DTNA: variants seen among roughly 807,000 people sequenced by gnomAD.
The protein encoded by DTNA is dystrobrevin alpha.
In DTNA, 43 loss-of-function variants were observed where a neutral mutation model predicts 100.7. The observed-to-expected ratio is 0.43, with a 90% CI of 0.33 to 0.55. The LOEUF (loss-of-function observed/expected upper bound fraction) is 0.55, where lower values mean the gene tolerates loss of function less well. Among genes scored for constraint, DTNA ranks in the 20% least tolerant of loss-of-function variants. The probability of loss-of-function intolerance (pLI) is 0.04; values close to 1 mark genes in which losing one functional copy is unlikely to be tolerated. For synonymous variants in DTNA, 349 were observed against 347.9 expected (o/e 1.00, Z -0.04); for missense variants, 798 against 953.9 (o/e 0.84, Z 2.15).
At chr18:34,720,720 A>G (rs1267318899) in intron 1 of DTNA, among the ~76,000 whole-genome samples, 1 of 152,174 alleles carries the variant, frequency 6.6e-6, no homozygotes, top group Non-Finnish European at 1.5e-5. Flanking sequence ...GAGAGAGTGG[A>G]AGGATCAGCA....
At chr18:34,788,705 A>G (rs1416351523) in intron 3 of DTNA, among the ~76,000 whole-genome samples, 1 of 152,198 alleles carries the variant, frequency 6.6e-6, no homozygotes, top group Non-Finnish European at 1.5e-5. Context: ...CTAACTCAAA[A>G]TTTATGACAA....
At chr18:34,546,754 T>C (rs1019026363) in intron 1 of DTNA, among the ~76,000 whole-genome samples, 1 of 151,770 alleles carries the variant, frequency 6.6e-6, no homozygotes, top group Non-Finnish European at 1.5e-5. Flanking sequence ...TTTCTTTCTT[T>C]CTTTCTTTCT....
intron 4 of DTNA, 105 bp downstream of exon 4, chr18:34,794,355 T>G: frequency 3.1e-6 from 4 of 1,297,328 alleles, no homozygotes; most frequent in Non-Finnish European, 3.3e-6. Flanking sequence ...CTTTTTTTTT[T>G]TACTCTCTTT....
At chr18:34,723,616 G>A (rs2085878145) in intron 1 of DTNA, among the ~76,000 whole-genome samples, 1 of 152,026 alleles carries the variant, frequency 6.6e-6, no homozygotes, top group Admixed American at 6.6e-5. Flanking sequence ...AGTAAAAATA[G>A]GGCCAGGCAC....
intron 1 of DTNA, chr18:34,593,234 A>T (rs1297706776): frequency 6.6e-6 from 1 of 152,240 alleles, no homozygotes; most frequent in African/African-American, 2.4e-5. Context: ...GGGAGCGGGG[A>T]GGGAGGGCGC....
chr18:34,861,901 A>G (rs970114359), intron 16 of DTNA, among the ~76,000 whole-genome samples: 2 of 152,148 alleles, frequency 1.3e-5, no homozygotes, highest in African/African-American at 4.8e-5. Context: ...ACCTAATAAT[A>G]CCAGTTAACG....
intron 1 of DTNA, among the ~76,000 whole-genome samples, chr18:34,543,460 TG>T (rs1198238041): frequency 1.3e-5 from 2 of 152,054 alleles, no homozygotes; most frequent in Non-Finnish European, 2.9e-5. Flanking sequence ...CGTTTGTTCT[TG>T]GATAGGAAAG....
At chr18:34,599,495 T>C (rs974306645) in intron 1 of DTNA, among the ~76,000 whole-genome samples, 2 of 152,226 alleles carry the variant, frequency 1.3e-5, no homozygotes, top group Admixed American at 6.5e-5. Context: ...CACCGGACAC[T>C]GGTACTGAAG....
intron 1 of DTNA, among the ~76,000 whole-genome samples, chr18:34,658,709 T>C (rs2074744472): frequency 6.6e-6 from 1 of 152,194 alleles, no homozygotes; most frequent in South Asian, 2.1e-4. Flanking sequence ...AATACTGTCT[T>C]GATTACCACC....
chr18:34,838,250 G>C, intron 12 of DTNA, 79 bp downstream of exon 12: 1 of 1,467,460 alleles, frequency 6.8e-7, no homozygotes, highest in South Asian at 1.2e-5. Context: ...AAAATGCTTT[G>C]TGTGTGAAAG....
At position 34,573,381 on chromosome 18, in the gene DTNA, T is replaced by C. The variant is rs113981237; in HGVS notation, c.-2+79867T>C. Among the ~76,000 whole-genome samples, 503 of 152,198 alleles carry C rather than the reference T, an allele frequency of 3.3e-3. 3 individuals carry two copies. The highest frequency in any genetic ancestry group is 0.011 in the African/African-American group (469 of 41,524). On this transcript the variant is annotated intron_variant, in intron 1 of 19. Transcript: ENST00000283365. The stretch of plus-strand genomic sequence containing the variant: ...TCCTGCCACTGCTACCACCAATATA[T>C]CCAAATGCCTAAAATCCCGTTTTAA...
At position 34,736,980 on chromosome 18, in the gene DTNA, C is replaced by T. The variant is rs553711469; in HGVS notation, c.-1-18996C>T. Among the ~76,000 whole-genome samples, 83 of 152,326 alleles carry T rather than the reference C, an allele frequency of 5.4e-4. No homozygotes were observed. In the South Asian group the frequency reaches 0.016, roughly 29 times the overall value. ...CACATAGTGCAGGCAACATTTCTCA[C>T]TTGGTATGGCTTGGGAAGAATGGGC... On this transcript the variant is annotated intron_variant, in intron 1 of 22. Coordinates refer to ENST00000444659, the MANE Select transcript of DTNA (RefSeq NM_001386795.1).
chr18:34,631,454 A>G (rs1036731674), intron 1 of DTNA, among the ~76,000 whole-genome samples: 2 of 152,210 alleles, frequency 1.3e-5, no homozygotes, highest in South Asian at 4.1e-4. Flanking sequence ...TGAGATTCTA[A>G]AAGGTTACTT....
intron 1 of DTNA, among the ~76,000 whole-genome samples, chr18:34,524,177 A>G (rs1439454248): frequency 6.6e-6 from 1 of 152,218 alleles, no homozygotes; most frequent in Non-Finnish European, 1.5e-5. Context: ...CATAAACACA[A>G]ATAGTGACTT....
At chr18:34,789,668 T>C (rs994728619) in intron 3 of DTNA, among the ~76,000 whole-genome samples, 3 of 152,244 alleles carry the variant, frequency 2.0e-5, no homozygotes, top group South Asian at 2.1e-4. Context: ...TTATGAAAAC[T>C]AGTTTTACTT....
At chr18:34,581,424 GAAAATTAATTTCT>G (rs1333113593) in intron 1 of DTNA, among the ~76,000 whole-genome samples, 5 of 152,044 alleles carry the variant, frequency 3.3e-5, no homozygotes, top group African/African-American at 1.2e-4. Context: ...ACCTCATTTT[GAAAATTAATTTCT>G]TTGGATTTCT....
At chr18:34,810,674 A>G (rs970171823) in intron 5 of DTNA, among the ~76,000 whole-genome samples, 10 of 152,212 alleles carry the variant, frequency 6.6e-5, no homozygotes, top group Non-Finnish European at 1.3e-4. Flanking sequence ...GTATATTTTC[A>G]AAAAGCTGGA....
chr18:34,854,011 A>G (rs1444864630), intron 15 of DTNA, among the ~76,000 whole-genome samples: 1 of 152,192 alleles, frequency 6.6e-6, no homozygotes, highest in East Asian at 1.9e-4. Context: ...AAAAGTGGGG[A>G]CAGGCAGGCA....
chr18:34,747,264 A>G (rs2091754550), intron 1 of DTNA, among the ~76,000 whole-genome samples: 4 of 152,168 alleles, frequency 2.6e-5, no homozygotes, highest in Admixed American at 2.6e-4. Context: ...AAGTAAGTTC[A>G]TGTTCAAACT....
Sources: allele counts gnomAD v4.1 joint callset (sites outside exome capture counted in the v4.1 genomes callset), GRCh38; gene constraint gnomAD v4.1.1; transcripts MANE v1.5; gene names NCBI Gene and HGNC (gene_info 2026-07-23, HGNC 2026-07-21).